Variants in TENM4 observed in about 807,000 individuals in gnomAD.
TENM4 encodes the protein teneurin transmembrane protein 4.
A neutral mutation model predicts 243.3 loss-of-function variants in TENM4; 82 were observed. The ratio of observed to expected loss-of-function variants is 0.34; its 90% CI spans 0.28 to 0.40. The LOEUF (loss-of-function observed/expected upper bound fraction) is 0.40. Among genes scored for constraint, TENM4 ranks in the 10% least tolerant of loss-of-function variants. The probability of loss-of-function intolerance (pLI) is 1.00; values close to 1 mark genes in which losing one functional copy is unlikely to be tolerated. For synonymous variants in TENM4, 1,412 were observed against 1,456.3 expected (o/e 0.97, Z 0.69); for missense variants, 3,138 against 3,673.3 (o/e 0.85, Z 3.77).
intron 9 of TENM4, among the ~76,000 whole-genome samples, chr11:78,885,884 C>T (rs190727996): frequency 1.4e-4 from 21 of 152,290 alleles, no homozygotes; most frequent in South Asian, 4.1e-4. Flanking sequence ...ATGACTGTGC[C>T]GGTGCACTCC....
At chr11:79,396,229 T>A (rs1165823296) in intron 1 of TENM4, among the ~76,000 whole-genome samples, 1 of 152,216 alleles carries the variant, frequency 6.6e-6, no homozygotes, top group Non-Finnish European at 1.5e-5. Flanking sequence ...TGAGTCTTAA[T>A]ATTCTCCCCC....
chr11:79,086,828 T>C lies in TENM4; in HGVS notation c.-65-16819A>G, dbSNP rs538639623. 3.6e-3 allele frequency among the ~76,000 whole-genome samples: 440 copies of C among 121,086 alleles called. 12 individuals carry two copies. In the South Asian group the frequency reaches 0.056, roughly 15 times the overall value. 79.4% of individuals were successfully genotyped at this position (121,086 alleles called of 152,430 possible). On this transcript the variant is annotated intron_variant, in intron 4 of 33. Transcript: ENST00000278550. ...CAGCCTGGGTGACAGAGCAAGACTC[T>C]GTCTCGCAAAAAAAAAAAAAAAAAA...
At chr11:78,900,189 C>T (rs1466970846) in intron 7 of TENM4, among the ~76,000 whole-genome samples, 1 of 152,228 alleles carries the variant, frequency 6.6e-6, no homozygotes, top group African/African-American at 2.4e-5. Flanking sequence ...TCCAAAGCCA[C>T]TAAATTTTGG....
intron 6 of TENM4, among the ~76,000 whole-genome samples, chr11:78,993,463 T>A (rs1858094130): frequency 1.3e-5 from 2 of 152,224 alleles, no homozygotes; most frequent in African/African-American, 2.4e-5. Flanking sequence ...ACTGTTTTCA[T>A]CTCTCTCTTC....
At chr11:79,226,195 C>CA (rs1386059466) in intron 2 of TENM4, among the ~76,000 whole-genome samples, 1 of 152,158 alleles carries the variant, frequency 6.6e-6, no homozygotes, top group Admixed American at 6.5e-5. Context: ...TGAAATGCTC[C>CA]AAAACAAAAC....
intron 1 of TENM4, among the ~76,000 whole-genome samples, chr11:79,437,369 G>A (rs1464754570): frequency 6.6e-6 from 1 of 152,230 alleles, no homozygotes; most frequent in Non-Finnish European, 1.5e-5. Flanking sequence ...AGAGCGCCCG[G>A]AGCGCGCTGT....
chr11:79,377,726 C>G (rs1333265445), intron 1 of TENM4, among the ~76,000 whole-genome samples: 1 of 152,202 alleles, frequency 6.6e-6, no homozygotes, highest in African/African-American at 2.4e-5. Flanking sequence ...AAGTACTGGA[C>G]AGCATTCCCA....
chr11:79,053,680 T>G (rs991935396), intron 6 of TENM4, among the ~76,000 whole-genome samples: 7 of 152,184 alleles, frequency 4.6e-5, no homozygotes, highest in Non-Finnish European at 1.0e-4. Context: ...AAGCCAGGCT[T>G]GTCACTTTGG....
At chr11:79,244,029 G>T (rs540421480) in intron 2 of TENM4, among the ~76,000 whole-genome samples, 1 of 152,162 alleles carries the variant, frequency 6.6e-6, no homozygotes, top group South Asian at 2.1e-4. Context: ...TCCCAGGACC[G>T]CCCTTTGAGC....
intron 20 of TENM4, among the ~76,000 whole-genome samples, chr11:78,737,866 C>T (rs1855835648): frequency 6.6e-6 from 1 of 152,186 alleles, no homozygotes; most frequent in Non-Finnish European, 1.5e-5. Context: ...CCCCATTCAC[C>T]ATATCTTCTA....
At chr11:79,232,097 CAAACA>C (rs1292037245) in intron 2 of TENM4, among the ~76,000 whole-genome samples, 3 of 151,982 alleles carry the variant, frequency 2.0e-5, no homozygotes, top group African/African-American at 4.8e-5. Flanking sequence ...AAAGAAAAAG[CAAACA>C]AAACAAAACA....
chr11:79,206,899 T>A (rs963777411), intron 3 of TENM4, among the ~76,000 whole-genome samples: 5 of 152,184 alleles, frequency 3.3e-5, no homozygotes, highest in Non-Finnish European at 7.3e-5. Context: ...ACACCAATTA[T>A]GAATTTCTTA....
chr11:78,982,916 G>A (rs1352002334), intron 6 of TENM4, among the ~76,000 whole-genome samples: 3 of 152,200 alleles, frequency 2.0e-5, no homozygotes, highest in African/African-American at 7.2e-5. Flanking sequence ...CTGGTCCCCT[G>A]CAAGGGTCTC....
intron 4 of TENM4, among the ~76,000 whole-genome samples, chr11:79,119,497 G>A (rs1339236552): frequency 6.6e-6 from 1 of 152,176 alleles, no homozygotes; most frequent in Non-Finnish European, 1.5e-5. Context: ...CTCAGAACTG[G>A]CTTTGCTCTC....
chr11:79,146,258 C>G (rs781101480), intron 4 of TENM4, among the ~76,000 whole-genome samples: 1 of 152,062 alleles, frequency 6.6e-6, no homozygotes, highest in Non-Finnish European at 1.5e-5. Context: ...CTGTGGCATC[C>G]ACACCAACAT....
intron 1 of TENM4, among the ~76,000 whole-genome samples, chr11:79,399,079 T>C (rs1858405275): frequency 2.0e-5 from 3 of 152,216 alleles, no homozygotes; most frequent in Admixed American, 2.0e-4. Context: ...GAGATGTCAC[T>C]GTAACTACCC....
chr11:79,353,064 G>C (rs769558441), intron 1 of TENM4, among the ~76,000 whole-genome samples: 1 of 152,140 alleles, frequency 6.6e-6, no homozygotes, highest in Non-Finnish European at 1.5e-5. Flanking sequence ...CTGTCTCCCA[G>C]GTAGGGGGAC....
At chr11:78,837,537 T>G (rs1422354273) in intron 12 of TENM4, among the ~76,000 whole-genome samples, 1 of 152,218 alleles carries the variant, frequency 6.6e-6, no homozygotes, top group East Asian at 1.9e-4. Context: ...TGGACTCCAG[T>G]GATCAACCTG....
At chr11:79,133,558 C>T (rs571485230) in intron 4 of TENM4, among the ~76,000 whole-genome samples, 2 of 152,030 alleles carry the variant, frequency 1.3e-5, no homozygotes, top group Non-Finnish European at 2.9e-5. Context: ...AAAAAGAAAA[C>T]TATGGACCAA....
Sources: gnomAD v4.1 joint callset for allele counts (sites outside exome capture counted in the v4.1 genomes callset) on GRCh38, gnomAD v4.1.1 for gene constraint, MANE v1.5 for transcripts, NCBI Gene and HGNC (gene_info 2026-07-23, HGNC 2026-07-21) for gene names.